The following DSCAML1 variants were observed in gnomAD, a reference collection of about 807,000 sequenced individuals.
DSCAML1 encodes DS cell adhesion molecule like 1, also known as cell adhesion molecule DSCAML1.
Under a neutral mutation model 200.5 loss-of-function variants are expected in DSCAML1, and 38 were observed. The ratio of observed to expected loss-of-function variants is 0.19; its 90% CI spans 0.15 to 0.25. DSCAML1 has a LOEUF of 0.25. Ranked by LOEUF, DSCAML1 falls within the 10% of genes least tolerant of loss-of-function variation. The pLI is 1.00. For synonymous variants in DSCAML1, 1,215 were observed against 1,165.0 expected, an observed-to-expected ratio of 1.04 and a Z score of -0.87; for missense variants, 2,223 against 2,858.8, an observed-to-expected ratio of 0.78 and a Z score of 5.07.
intron 1 of DSCAML1, among the ~76,000 whole-genome samples, chr11:117,781,291 GAA>G (rs57780075): frequency 5.5e-4 from 65 of 118,530 alleles, no homozygotes; most frequent in Non-Finnish European, 6.9e-4. Context: ...ACTCTGTCTC[GAA>G]AAAAAAAAAA....
At chr11:117,462,696 C>T (rs1014847091) in intron 17 of DSCAML1, among the ~76,000 whole-genome samples, 3 of 152,176 alleles carry the variant, frequency 2.0e-5, no homozygotes, top group African/African-American at 7.2e-5. Context: ...TAAACTAATA[C>T]AGATCGCCCA....
At chr11:117,557,068 G>A (rs768483640) in intron 3 of DSCAML1, among the ~76,000 whole-genome samples, 7 of 152,132 alleles carry the variant, frequency 4.6e-5, no homozygotes, top group Non-Finnish European at 8.8e-5. Context: ...CTTGGGTGAG[G>A]GATCTTTCCA....
chr11:117,474,719 G>A (rs1156357613), intron 14 of DSCAML1, among the ~76,000 whole-genome samples: 1 of 151,320 alleles, frequency 6.6e-6, no homozygotes, highest in Non-Finnish European at 1.5e-5. Flanking sequence ...TCCTTATCAA[G>A]TGGGATAGCT....
chr11:117,654,394 A>G (rs1284926713), intron 3 of DSCAML1, among the ~76,000 whole-genome samples: 1 of 152,234 alleles, frequency 6.6e-6, no homozygotes, highest in East Asian at 1.9e-4. Context: ...GAAGAGAGAG[A>G]ACATCTGACT....
intron 3 of DSCAML1, among the ~76,000 whole-genome samples, chr11:117,699,653 C>T (rs1015250060): frequency 2.0e-5 from 3 of 152,140 alleles, no homozygotes; most frequent in African/African-American, 7.2e-5. Context: ...TAGTGAGTGC[C>T]CAGAGGCACA....
intron 3 of DSCAML1, among the ~76,000 whole-genome samples, chr11:117,588,199 G>A (rs1251352752): frequency 1.3e-5 from 2 of 152,140 alleles, no homozygotes; most frequent in African/African-American, 2.4e-5. Flanking sequence ...GGAGGCCCAG[G>A]CATCTGGCAC....
chr11:117,556,133 G>A (rs761629058), intron 3 of DSCAML1, among the ~76,000 whole-genome samples: 64 of 152,172 alleles, frequency 4.2e-4, no homozygotes, highest in Non-Finnish European at 7.3e-4. Flanking sequence ...TCAGAGGCGC[G>A]TTATGAGAAT....
chr11:117,576,333 G>C (rs1007899393), intron 3 of DSCAML1, among the ~76,000 whole-genome samples: 1 of 152,138 alleles, frequency 6.6e-6, no homozygotes, highest in Non-Finnish European at 1.5e-5. Context: ...CAGAGGTGAG[G>C]GGTTCTCCAC....
intron 3 of DSCAML1, among the ~76,000 whole-genome samples, chr11:117,562,499 T>G (rs2050681886): frequency 6.6e-6 from 1 of 152,184 alleles, no homozygotes; most frequent in African/African-American, 2.4e-5. Flanking sequence ...TAACCCCACT[T>G]TGTGAGTGGC....
chr11:117,614,215 C>T (rs1300307152), intron 3 of DSCAML1, among the ~76,000 whole-genome samples: 1 of 152,138 alleles, frequency 6.6e-6, no homozygotes, highest in Middle Eastern at 3.2e-3. Flanking sequence ...CAACTAAGCT[C>T]CTTGAGAACA....
At chr11:117,641,717 T>A (rs954652604) in intron 3 of DSCAML1, among the ~76,000 whole-genome samples, 13 of 152,086 alleles carry the variant, frequency 8.5e-5, no homozygotes, top group Non-Finnish European at 1.2e-4. Flanking sequence ...CCAACTCCAA[T>A]TCCTGCCCCA....
In DSCAML1 at chr11:117,724,899, T is replaced by A. The variant is rs2054098544; in HGVS notation, c.511+51892A>T. 2.6e-5 allele frequency among the ~76,000 whole-genome samples: 4 copies of A among 152,088 alleles called. No homozygotes were observed. The South Asian group carries it at 8.3e-4, about 31-fold the overall frequency. ...GAGGCATGGGGGAAAGGCCTAGAAG[T>A]GCAGCAGGAGGACCCCAGGTTAGAC... On this transcript the variant is annotated intron_variant, in intron 3 of 32. Coordinates refer to ENST00000651296, the MANE Select transcript of DSCAML1 (RefSeq NM_020693.4).
rs1380116540 is a variant in DSCAML1 at position 117,710,948 on chromosome 11, A to G, written c.511+65843T>C. On this transcript the variant is annotated intron_variant, in intron 3 of 32. Coordinates refer to ENST00000651296, the MANE Select transcript of DSCAML1 (RefSeq NM_020693.4). ...AGAGTTGGATCACTTCAAGGTCACA[A>G]ACTATATCCAGTGAGGGTTGTTCTA... is the stretch of plus-strand genomic sequence containing the variant. 2.0e-5 allele frequency among the ~76,000 whole-genome samples: 3 copies of G among 152,188 alleles called. No homozygotes were observed. In the East Asian group the frequency reaches 5.8e-4, roughly 29 times the overall value.
At chr11:117,794,315 G>A (rs775487263) in intron 1 of DSCAML1, among the ~76,000 whole-genome samples, 11 of 152,154 alleles carry the variant, frequency 7.2e-5, no homozygotes, top group African/African-American at 1.7e-4. Flanking sequence ...GCGCCTCGCC[G>A]GGGTTCATCC....
intron 21 of DSCAML1, among the ~76,000 whole-genome samples, chr11:117,441,493 G>A (rs879614272): frequency 2.6e-5 from 4 of 151,638 alleles, no homozygotes; most frequent in African/African-American, 7.3e-5. Flanking sequence ...GGGTGGTGGC[G>A]GAGGACTGGG....
chr11:117,648,337 T>C (rs1310165006), intron 3 of DSCAML1, among the ~76,000 whole-genome samples: 3 of 152,202 alleles, frequency 2.0e-5, no homozygotes, highest in Non-Finnish European at 4.4e-5. Context: ...GGTTGAGTTG[T>C]AACAATTTCC....
intron 4 of DSCAML1, among the ~76,000 whole-genome samples, chr11:117,531,424 G>T (rs996775532): frequency 1.3e-5 from 2 of 152,122 alleles, no homozygotes; most frequent in Non-Finnish European, 2.9e-5. Context: ...TACACAGGAG[G>T]ATTCAATAAA....
At chr11:117,465,284 T>A in intron 16 of DSCAML1, 102 bp from the exon 17 acceptor site, 1 of 1,484,850 alleles carries the variant, frequency 6.7e-7, no homozygotes, top group South Asian at 1.3e-5. Context: ...CCCCAGCCCT[T>A]CAAAGGCTCC....
chr11:117,449,133 T>C (rs2048235420), intron 20 of DSCAML1, among the ~76,000 whole-genome samples: 1 of 152,216 alleles, frequency 6.6e-6, no homozygotes, highest in African/African-American at 2.4e-5. Context: ...TGATTCCATT[T>C]ACACAAAGTA....
Sources: gnomAD v4.1 joint callset for allele counts (sites outside exome capture counted in the v4.1 genomes callset) on GRCh38, gnomAD v4.1.1 for gene constraint, MANE v1.5 for transcripts, NCBI Gene and HGNC (gene_info 2026-07-23, HGNC 2026-07-21) for gene names.